The following OTUD7A variants were observed in gnomAD, a reference collection of about 807,000 sequenced individuals.
OTUD7A encodes OTU deubiquitinase 7A.
A neutral mutation model predicts 65.7 loss-of-function variants in OTUD7A; 12 were observed. The ratio of observed to expected loss-of-function variants is 0.18; its 90% CI spans 0.12 to 0.30. OTUD7A has a LOEUF of 0.30. Ranked by LOEUF, OTUD7A falls within the 10% of genes least tolerant of loss-of-function variation. The pLI is 1.00. For missense variants in OTUD7A, 1,148 were observed against 1,304.8 expected, an observed-to-expected ratio of 0.88 and a Z score of 1.85; for synonymous variants, 641 against 586.3, an observed-to-expected ratio of 1.09 and a Z score of -1.35.
At chr15:31,631,738 A>G (rs4779904) in intron 3 of OTUD7A, among the ~76,000 whole-genome samples, 50,556 of 151,270 alleles carry the variant, frequency 0.33, 11,158 homozygotes, top group African/African-American at 0.63. Context: ...ATCAGACGTA[A>G]ATTTGGTCTT....
chr15:31,476,009 T>C lies in OTUD7A; in HGVS notation c.*7285A>G, dbSNP rs773043580. ...TATAATTAACTTCAACAATCCTTAG[T>C]TAAAACAAGGCCAAATTCTCAAAGG... On this transcript the variant is annotated 3_prime_UTR_variant, in exon 13 of 13. Transcript: ENST00000307050. 6.6e-6 allele frequency: 1 copy of C among 152,214 alleles called. No homozygotes were observed. The highest frequency in any genetic ancestry group is 1.5e-5 in the Non-Finnish European group (1 of 68,034). The allele number at this position is 152,214 out of a possible 1,614,324, so 9.4% of individuals were successfully genotyped here.
chr15:31,655,367 C>T (rs1162836501), intron 2 of OTUD7A, 117 bp from the exon 3 acceptor site: 1 of 560,104 alleles, frequency 1.8e-6, no homozygotes, highest in Non-Finnish European at 3.1e-6. Context: ...TTTCCACCTG[C>T]TGTCATATTT....
chr15:31,486,884 T>C (rs1214356856), intron 12 of OTUD7A, among the ~76,000 whole-genome samples: 1 of 152,134 alleles, frequency 6.6e-6, no homozygotes, highest in Non-Finnish European at 1.5e-5. Context: ...CTGCAGAAAA[T>C]AGGGGGACAA....
At chr15:31,529,399 G>A (rs911803552) in intron 6 of OTUD7A, among the ~76,000 whole-genome samples, 4 of 152,204 alleles carry the variant, frequency 2.6e-5, no homozygotes, top group African/African-American at 4.8e-5. Context: ...TGTGAACACA[G>A]CAAGATCATC....
chr15:31,524,197 A>G (rs531165386), intron 8 of OTUD7A, among the ~76,000 whole-genome samples: 2 of 151,910 alleles, frequency 1.3e-5, no homozygotes, highest in Admixed American at 1.3e-4. Flanking sequence ...GAAACCCTAG[A>G]AATGCCTCCT....
intron 1 of OTUD7A, among the ~76,000 whole-genome samples, chr15:31,840,833 A>T (rs1897166445): frequency 6.6e-6 from 1 of 152,226 alleles, no homozygotes; most frequent in East Asian, 1.9e-4. Context: ...TCTACCACGG[A>T]AAAGGAATAG....
rs2041072195 is a variant in OTUD7A, at chr15:31,479,107, C to G, written c.*4187G>C. 6.6e-6 allele frequency: 1 copy of G among 152,270 alleles called. No individual in the cohort carries two copies. Among genetic ancestry groups the G allele is most frequent in the Non-Finnish European group, 1.5e-5 (1 of 68,098 alleles). 9.4% of individuals were successfully genotyped at this position (152,270 alleles called of 1,614,324 possible). A position where few individuals can be genotyped will look rare whatever the true frequency, so the allele number is the denominator to read the frequency against. ...GGTGGTGCCTCAGATCTCTAGAGAG[C>G]CACCACTTTAAGGCGTTTTGGAAGG... On this transcript the variant is annotated 3_prime_UTR_variant, in exon 13 of 13. Coordinates refer to ENST00000307050, the MANE Select transcript of OTUD7A (RefSeq NM_001382637.1).
At chr15:31,579,247 A>G (rs981219386) in intron 3 of OTUD7A, among the ~76,000 whole-genome samples, 1 of 152,236 alleles carries the variant, frequency 6.6e-6, no homozygotes. Flanking sequence ...GTGCAGGTGC[A>G]GTATATTGTA....
At chr15:31,489,628 C>A (rs2041288391) in intron 10 of OTUD7A, among the ~76,000 whole-genome samples, 1 of 151,926 alleles carries the variant, frequency 6.6e-6, no homozygotes, top group South Asian at 2.1e-4. Context: ...ATGGTGCCTG[C>A]AGAAGACAGC....
chr15:31,763,630 G>C (rs979868687), intron 1 of OTUD7A, among the ~76,000 whole-genome samples: 1 of 152,020 alleles, frequency 6.6e-6, no homozygotes, highest in Non-Finnish European at 1.5e-5. Context: ...TTTGACAAAC[G>C]GTGGCTGAAA....
intron 2 of OTUD7A, among the ~76,000 whole-genome samples, chr15:31,655,716 G>C (rs1428783546): frequency 6.6e-6 from 1 of 152,166 alleles, no homozygotes; most frequent in Non-Finnish European, 1.5e-5. Flanking sequence ...AGCCCAGATA[G>C]ACTAAGGCAA....
chr15:31,791,517 G>T (rs537009892), intron 1 of OTUD7A, among the ~76,000 whole-genome samples: 1 of 152,182 alleles, frequency 6.6e-6, no homozygotes, highest in South Asian at 2.1e-4. Flanking sequence ...TCTGCTTCTA[G>T]TTGTAGAATA....
At chr15:31,488,892 G>A (rs1212293063) in intron 10 of OTUD7A, among the ~76,000 whole-genome samples, 5 of 152,216 alleles carry the variant, frequency 3.3e-5, no homozygotes, top group African/African-American at 1.2e-4. Context: ...GACCAGCTCC[G>A]GGCTTTTCAT....
chr15:31,714,875 C>T (rs1893543301), intron 1 of OTUD7A, among the ~76,000 whole-genome samples: 1 of 152,100 alleles, frequency 6.6e-6, no homozygotes, highest in Admixed American at 6.5e-5. Context: ...GTGGCTCACG[C>T]CTATAATCCC....
intron 1 of OTUD7A, among the ~76,000 whole-genome samples, chr15:31,683,994 T>C (rs552621873): frequency 1.3e-5 from 2 of 152,168 alleles, no homozygotes; most frequent in African/African-American, 4.8e-5. Context: ...ACACTAAGCA[T>C]TGGCTCAAGA....
At chr15:31,491,056 A>G (rs2041311411) in intron 10 of OTUD7A, among the ~76,000 whole-genome samples, 1 of 152,208 alleles carries the variant, frequency 6.6e-6, no homozygotes, top group Non-Finnish European at 1.5e-5. Context: ...GATTTACTGC[A>G]GTCTTTACTG....
chr15:31,551,253 G>A (rs2141146847), intron 5 of OTUD7A, among the ~76,000 whole-genome samples: 1 of 152,320 alleles, frequency 6.6e-6, no homozygotes, highest in Admixed American at 6.5e-5. Context: ...GCAGAACCTA[G>A]AATGTGGTGC....
intron 1 of OTUD7A, among the ~76,000 whole-genome samples, chr15:31,841,969 A>C (rs529750618): frequency 1.3e-5 from 2 of 152,192 alleles, no homozygotes; most frequent in Non-Finnish European, 2.9e-5. Flanking sequence ...ATGCTCTAGA[A>C]TGTCCAAAGC....
At chr15:31,506,478 T>C (rs2041570397) in intron 8 of OTUD7A, among the ~76,000 whole-genome samples, 1 of 152,206 alleles carries the variant, frequency 6.6e-6, no homozygotes, top group Non-Finnish European at 1.5e-5. Context: ...TTATATAAAC[T>C]TGAGGATTAA....
Sources: gnomAD v4.1 joint callset for allele counts (sites outside exome capture counted in the v4.1 genomes callset) on GRCh38, gnomAD v4.1.1 for gene constraint, MANE v1.5 for transcripts, NCBI Gene and HGNC (gene_info 2026-07-23, HGNC 2026-07-21) for gene names.